The following FAM222A variants were observed in gnomAD, a reference collection of about 807,000 sequenced individuals.
FAM222A encodes protein FAM222A.
A neutral mutation model predicts 25.8 loss-of-function variants in FAM222A; 7 were observed. The ratio of observed to expected loss-of-function variants is 0.27; its 90% CI spans 0.15 to 0.51. FAM222A has a LOEUF of 0.51. Ranked by LOEUF, FAM222A falls within the 20% of genes least tolerant of loss-of-function variation. FAM222A has a pLI of 0.97. For synonymous variants in FAM222A, 294 were observed against 298.8 expected (o/e 0.98, Z 0.17); for missense variants, 573 against 640.5 (o/e 0.89, Z 1.14).
chr12:109,731,661 G>C (rs539756261), intron 1 of FAM222A, among the ~76,000 whole-genome samples: 1 of 152,252 alleles, frequency 6.6e-6, no homozygotes, highest in East Asian at 1.9e-4. Context: ...ACAGGCTGGG[G>C]GTGGGGCTTG....
rs531456041 is a variant in FAM222A at position 109,757,433 on chromosome 12, A to G, written c.83-10579A>G. Reference sequence around the variant, plus strand: ...GGAGACAAAGCAGGGGTTGCAGATCACTGGGGAGACATATGCCATGCTGGG... The same window carrying G: ...GGAGACAAAGCAGGGGTTGCAGATCGCTGGGGAGACATATGCCATGCTGGG... On this transcript the variant is annotated intron_variant, in intron 2 of 2. Coordinates refer to ENST00000538780, the MANE Select transcript of FAM222A (RefSeq NM_032829.3). Among the ~76,000 whole-genome samples the G allele has an allele frequency of 2.6e-5, 4 of 152,354 alleles. No individual in the cohort carries two copies. In the South Asian group the frequency reaches 8.3e-4, roughly 32 times the overall value.
In FAM222A at chr12:109,754,137, C is replaced by A. The variant is rs140773417; in HGVS notation, c.82+9909C>A. Among the ~76,000 whole-genome samples the A allele has an allele frequency of 2.6e-5, 4 of 152,322 alleles. No individual in the cohort carries two copies. The East Asian group carries it at 7.7e-4, about 29-fold the overall frequency. ...TGATCGACTACAAACAAACTTGAGG[C>A]TTGATAAAATCAGAGGGAGACAAAG... On this transcript the variant is annotated intron_variant, in intron 2 of 2. Transcript: ENST00000538780.
At chr12:109,747,335 T>G (rs1049294609) in intron 2 of FAM222A, among the ~76,000 whole-genome samples, 9 of 152,168 alleles carry the variant, frequency 5.9e-5, no homozygotes, top group African/African-American at 2.2e-4. Flanking sequence ...CTTCAGGTGA[T>G]TCACCCGCCT....
Position 109,769,290 on chromosome 12 carries a change from G to A in FAM222A, c.*2G>A. On this transcript the variant is annotated 3_prime_UTR_variant, in exon 3 of 3. Coordinates refer to ENST00000538780, the MANE Select transcript of FAM222A (RefSeq NM_032829.3). ...ATCCGCCTACCCGTCTACAGATAAGGCCTGCCCTGCGGACATACGGACATG... is the reference window on the plus strand; with the variant it reads ...ATCCGCCTACCCGTCTACAGATAAGACCTGCCCTGCGGACATACGGACATG... 1 of 1,606,030 alleles carries A rather than the reference G, an allele frequency of 6.2e-7. No individual in the cohort carries two copies. The highest frequency in any genetic ancestry group is 2.3e-5 in the East Asian group (1 of 44,400).
At chr12:109,758,562 G>C (rs1888799633) in intron 2 of FAM222A, among the ~76,000 whole-genome samples, 4 of 152,154 alleles carry the variant, frequency 2.6e-5, no homozygotes, top group Admixed American at 2.0e-4. Flanking sequence ...GGAAGGTATG[G>C]AGCAGCCACT....
At chr12:109,765,888 C>T (rs1889034943) in intron 2 of FAM222A, among the ~76,000 whole-genome samples, 1 of 152,220 alleles carries the variant, frequency 6.6e-6, no homozygotes, top group African/African-American at 2.4e-5. Context: ...AATACTCACG[C>T]TCACAGAACA....
intron 1 of FAM222A, among the ~76,000 whole-genome samples, chr12:109,715,698 G>A (rs1297208541): frequency 6.6e-6 from 1 of 152,200 alleles, no homozygotes; most frequent in Non-Finnish European, 1.5e-5. Context: ...GCAAGGACAG[G>A]TGTTCAGAGC....
Position 109,744,112 on chromosome 12 carries a change from C to T in FAM222A, c.-35C>T. 1 of 1,606,052 alleles carries T rather than the reference C, an allele frequency of 6.2e-7. No homozygotes were observed. Among genetic ancestry groups the T allele is most frequent in the Non-Finnish European group, 8.5e-7 (1 of 1,177,016 alleles). Reference sequence around the variant, plus strand: ...TCTTCCTCCTGCAGGGACCCAGTCGCAGAGCGCACCCCACTGGGGACCCCC... The same window carrying T: ...TCTTCCTCCTGCAGGGACCCAGTCGTAGAGCGCACCCCACTGGGGACCCCC... On this transcript the variant is annotated 5_prime_UTR_variant, in exon 2 of 3. Transcript: ENST00000538780.
rs112103414 is a variant in FAM222A, at chr12:109,744,388, T to C, written c.82+160T>C. The C allele has an allele frequency of 2.5e-4, 247 of 985,358 alleles. No homozygotes were observed. The African/African-American group carries it at 4.2e-3, about 17-fold the overall frequency. The allele number at this position is 985,358 out of a possible 1,614,324, so 61.0% of individuals were successfully genotyped here. ...GGCTGTGCTGCCTTCCTGGTCTCCATCCCCAAAATGACACCCACTCCTTTG... is the reference window on the plus strand; with the variant it reads ...GGCTGTGCTGCCTTCCTGGTCTCCACCCCCAAAATGACACCCACTCCTTTG... On this transcript the variant is annotated intron_variant, in intron 2 of 2. Coordinates refer to ENST00000538780, the MANE Select transcript of FAM222A (RefSeq NM_032829.3).
At chr12:109,761,410 C>A (rs1172029787) in intron 2 of FAM222A, among the ~76,000 whole-genome samples, 1 of 152,206 alleles carries the variant, frequency 6.6e-6, no homozygotes, top group East Asian at 1.9e-4. Flanking sequence ...CCCCTCCCCC[C>A]ATCCTAAATC....
intron 1 of FAM222A, among the ~76,000 whole-genome samples, chr12:109,732,741 TAC>T (rs1166102875): frequency 5.9e-5 from 9 of 152,036 alleles, no homozygotes; most frequent in South Asian, 2.1e-4. Flanking sequence ...CACACACGTG[TAC>T]ACACACACAC....
intron 2 of FAM222A, 95 bp downstream of exon 2, chr12:109,744,323 A>G: frequency 6.7e-7 from 1 of 1,486,740 alleles, no homozygotes; most frequent in Non-Finnish European, 9.0e-7. Context: ...GCCCTGTCGG[A>G]AAGTCTCTAT....
chr12:109,739,809 C>G (rs1394819556), intron 1 of FAM222A, among the ~76,000 whole-genome samples: 1 of 152,218 alleles, frequency 6.6e-6, no homozygotes, highest in East Asian at 1.9e-4. Flanking sequence ...TATCTAAAAG[C>G]TATGTGACCT....
intron 1 of FAM222A, among the ~76,000 whole-genome samples, chr12:109,717,228 C>T (rs1887662142): frequency 6.6e-6 from 1 of 152,234 alleles, no homozygotes; most frequent in Non-Finnish European, 1.5e-5. Flanking sequence ...AGATTAACAA[C>T]TTCCGCCCGG....
At chr12:109,735,189 C>T (rs889471736) in intron 1 of FAM222A, among the ~76,000 whole-genome samples, 1 of 152,250 alleles carries the variant, frequency 6.6e-6, no homozygotes, top group Non-Finnish European at 1.5e-5. Context: ...TTGGGTCATT[C>T]TTGCACAAGG....
chr12:109,764,840 A>G (rs117332361), intron 2 of FAM222A, among the ~76,000 whole-genome samples: 1 of 152,290 alleles, frequency 6.6e-6, no homozygotes, highest in East Asian at 1.9e-4. Context: ...TGCTTGTATA[A>G]TGTAGTTTAA....
At position 109,736,082 on chromosome 12, in the gene FAM222A, G is replaced by C. The variant is rs118005252; in HGVS notation, c.-46-8019G>C. On this transcript the variant is annotated intron_variant, in intron 1 of 2. Coordinates refer to ENST00000538780, the MANE Select transcript of FAM222A (RefSeq NM_032829.3). The stretch of plus-strand genomic sequence containing the variant: ...CCTGTCCTGAACTAGCACTAGTGCA[G>C]AGGAAACAGATCTCCCCGCTCTGAG... The C allele has an allele frequency of 8.2e-3, 1,243 of 152,498 alleles. 3 individuals carry two copies. The highest frequency in any genetic ancestry group is 0.012 in the Non-Finnish European group (812 of 68,164). The allele number at this position is 152,498 out of a possible 1,614,324, so 9.4% of individuals were successfully genotyped here.
At chr12:109,739,541 G>C (rs577861964) in intron 1 of FAM222A, among the ~76,000 whole-genome samples, 1 of 152,122 alleles carries the variant, frequency 6.6e-6, no homozygotes, top group African/African-American at 2.4e-5. Flanking sequence ...CCTGATTTGC[G>C]CTCCTTGAAT....
intron 2 of FAM222A, among the ~76,000 whole-genome samples, chr12:109,758,795 G>A (rs761522300): frequency 1.3e-5 from 2 of 152,178 alleles, no homozygotes; most frequent in Non-Finnish European, 2.9e-5. Flanking sequence ...TCCCCCTGGC[G>A]AGCTGGGGCC....
Sources: gnomAD v4.1 joint callset for allele counts (sites outside exome capture counted in the v4.1 genomes callset) on GRCh38, gnomAD v4.1.1 for gene constraint, MANE v1.5 for transcripts, NCBI Gene and HGNC (gene_info 2026-07-23, HGNC 2026-07-21) for gene names.